The following ABTB3 variants were observed in gnomAD, a reference collection of about 807,000 sequenced individuals.
The protein encoded by ABTB3 is ankyrin repeat and BTB domain containing 3.
chr12:107,401,568 T>G, the ABTB3 span, among the ~76,000 whole-genome samples: 2 of 152,220 alleles, frequency 1.3e-5, no homozygotes, highest in Non-Finnish European at 2.9e-5. Flanking sequence ...GCTCCCATGA[T>G]GCAAAATGTA....
the ABTB3 span, chr12:107,580,941 C>T: frequency 1.9e-6 from 3 of 1,551,624 alleles, no homozygotes; most frequent in Non-Finnish European, 2.6e-6. Context: ...TCCAGAGAGC[C>T]TGCCCCGGGG....
chr12:107,414,702 CTTTCT>C, the ABTB3 span, among the ~76,000 whole-genome samples: 1 of 151,086 alleles, frequency 6.6e-6, no homozygotes, highest in Admixed American at 6.6e-5. Context: ...CCATCCCCCC[CTTTCT>C]TTTCTTTTCT....
the ABTB3 span, among the ~76,000 whole-genome samples, chr12:107,404,338 C>T: frequency 6.6e-6 from 1 of 152,038 alleles, no homozygotes; most frequent in Non-Finnish European, 1.5e-5. Flanking sequence ...AACTTGCTTC[C>T]ACAGCAAAAT....
chr12:107,549,697 T>A, the ABTB3 span, among the ~76,000 whole-genome samples: 2 of 152,222 alleles, frequency 1.3e-5, no homozygotes, highest in African/African-American at 4.8e-5. Flanking sequence ...GGAAACCTTA[T>A]AAAAATTGCA....
chr12:107,331,644 A>T, the ABTB3 span, among the ~76,000 whole-genome samples: 11 of 152,264 alleles, frequency 7.2e-5, no homozygotes, highest in Non-Finnish European at 1.5e-4. Context: ...ATCTGTGCAC[A>T]GGTGATTGGA....
chr12:107,481,265 G>A, the ABTB3 span, among the ~76,000 whole-genome samples: 3 of 152,172 alleles, frequency 2.0e-5, no homozygotes, highest in African/African-American at 7.2e-5. Context: ...AAGAGGCTGA[G>A]GGCTAATGAG....
chr12:107,340,772 G>C, the ABTB3 span, among the ~76,000 whole-genome samples: 1 of 152,190 alleles, frequency 6.6e-6, no homozygotes, highest in Non-Finnish European at 1.5e-5. Flanking sequence ...ATTCACCAGA[G>C]ATCTCCCAGG....
the ABTB3 span, among the ~76,000 whole-genome samples, chr12:107,483,312 G>T: frequency 6.6e-6 from 1 of 152,196 alleles, no homozygotes; most frequent in East Asian, 1.9e-4. Flanking sequence ...CAAAGTGCTG[G>T]GATTGCCAGG....
At chr12:107,658,997 GT>G in the ABTB3 span, 20 of 152,750 alleles carry the variant, frequency 1.3e-4, no homozygotes, top group Admixed American at 1.3e-3. Flanking sequence ...GATTGGTAAA[GT>G]GCCACAGTAT....
chr12:107,327,396 TTTGTC>T, the ABTB3 span, among the ~76,000 whole-genome samples: 1 of 152,246 alleles, frequency 6.6e-6, no homozygotes, highest in Admixed American at 6.5e-5. Context: ...TTCTTACTCT[TTTGTC>T]TTATTGTTTG....
the ABTB3 span, among the ~76,000 whole-genome samples, chr12:107,509,104 G>C: frequency 6.6e-6 from 1 of 152,182 alleles, no homozygotes; most frequent in Non-Finnish European, 1.5e-5. Context: ...CCTTGATACA[G>C]AGATGAGGAA....
the ABTB3 span, among the ~76,000 whole-genome samples, chr12:107,404,775 G>T: frequency 6.6e-3 from 1,005 of 152,264 alleles, 17 homozygotes; most frequent in African/African-American, 0.023. Context: ...TTCCCTGGCT[G>T]AGGCGGCCCC....
chr12:107,412,436 AT>A, the ABTB3 span, among the ~76,000 whole-genome samples: 2 of 152,216 alleles, frequency 1.3e-5, no homozygotes, highest in Non-Finnish European at 2.9e-5. Context: ...AAGGGGAGCC[AT>A]TTGTGCGTAA....
chr12:107,459,568 T>C, the ABTB3 span, among the ~76,000 whole-genome samples: 3 of 151,984 alleles, frequency 2.0e-5, no homozygotes, highest in Admixed American at 6.6e-5. Context: ...GGGGAGGTGA[T>C]TTTGAGGAGA....
the ABTB3 span, among the ~76,000 whole-genome samples, chr12:107,383,682 G>C: frequency 2.0e-5 from 3 of 152,190 alleles, no homozygotes; most frequent in Admixed American, 6.5e-5. Context: ...GGATTAATGA[G>C]ATAATGATTG....
At chr12:107,617,254 T>A in the ABTB3 span, 1 of 1,613,698 alleles carries the variant, frequency 6.2e-7, no homozygotes, top group Non-Finnish European at 8.5e-7. Flanking sequence ...CCTGTGACTA[T>A]ATTTTTGCTT....
the ABTB3 span, among the ~76,000 whole-genome samples, chr12:107,551,639 T>C: frequency 6.6e-6 from 1 of 152,246 alleles, no homozygotes; most frequent in East Asian, 1.9e-4. Flanking sequence ...TGGCTGCTTT[T>C]GCACTGTGAC....
chr12:107,456,367 C>T, the ABTB3 span, among the ~76,000 whole-genome samples: 1 of 152,200 alleles, frequency 6.6e-6, no homozygotes, highest in Non-Finnish European at 1.5e-5. Context: ...TAGTCGTTTC[C>T]CGTTGCTCGC....
At chr12:107,517,346 T>A in the ABTB3 span, among the ~76,000 whole-genome samples, 6,259 of 152,272 alleles carry the variant, frequency 0.041, 425 homozygotes, top group African/African-American at 0.14. Context: ...GACTTGGCAA[T>A]GCGGGCTCTT....
Sources: allele counts gnomAD v4.1 joint callset (sites outside exome capture counted in the v4.1 genomes callset), GRCh38; gene constraint gnomAD v4.1.1; transcripts MANE v1.5; gene names NCBI Gene and HGNC (gene_info 2026-07-23, HGNC 2026-07-21).